SELENOF: variants seen among roughly 807,000 people sequenced by gnomAD.
SELENOF encodes the protein 15 kDa selenoprotein.
Under a neutral mutation model 20.5 loss-of-function variants are expected in SELENOF, and 16 were observed. The ratio of observed to expected loss-of-function variants is 0.78; its 90% CI spans 0.53 to 1.19. The LOEUF is 1.19. SELENOF is among the 50% of genes most tolerant of loss of function. The pLI, the probability that SELENOF is intolerant of heterozygous loss-of-function variation, is 0.00. For missense variants in SELENOF, 215 were observed against 194.2 expected (o/e 1.11, Z -0.64); for synonymous variants, 78 against 74.5 (o/e 1.05, Z -0.24).
At chr1:86,890,369 A>G (rs146370027) in intron 2 of SELENOF, among the ~76,000 whole-genome samples, 4 of 152,340 alleles carry the variant, frequency 2.6e-5, no homozygotes, top group African/African-American at 4.8e-5. Context: ...TTTATAGCAC[A>G]TATCTCATTG....
intron 2 of SELENOF, chr1:86,887,012 T>C: frequency 1.2e-6 from 1 of 844,772 alleles, no homozygotes; most frequent in Non-Finnish European, 1.6e-6. Flanking sequence ...ACACAGAAAC[T>C]ATTTTTAGCA....
At chr1:86,913,940 T>A (rs551827213) in intron 1 of SELENOF, 88 bp downstream of exon 1, 1 of 1,288,756 alleles carries the variant, frequency 7.8e-7, no homozygotes, top group East Asian at 2.3e-5. Context: ...CTCCCCACCC[T>A]TTTCAACCAG....
chr1:86,879,634 T>C (rs1474328528), intron 3 of SELENOF, among the ~76,000 whole-genome samples: 1 of 152,142 alleles, frequency 6.6e-6, no homozygotes, highest in Non-Finnish European at 1.5e-5. Context: ...CGAGGTAGAA[T>C]GAGGTATGTA....
Position 86,880,719 on chromosome 1 carries a change from C to CCAAGATGGCCGA in SELENOF, c.258_259insTCGGCCATCTTG (p.Tyr86_Ala87insSerAlaIleLeu). ...CCACAAACTTCAAGAATAGCTCCTG[C>CCAAGATGGCCGA]ATACAGCTACAAAAGGAAAAACAGG... is the stretch of plus-strand genomic sequence containing the variant. On this transcript the variant is annotated inframe_insertion, in exon 3 of 5. Coordinates refer to ENST00000331835, the MANE Select transcript of SELENOF (RefSeq NM_004261.5). 1 of 1,579,396 alleles carries CCAAGATGGCCGA rather than the reference C, an allele frequency of 6.3e-7. No individual in the cohort carries two copies. The highest frequency in any genetic ancestry group is 8.6e-7 in the Non-Finnish European group (1 of 1,161,916).
At chr1:86,913,159 G>T (rs1241607432) in intron 1 of SELENOF, among the ~76,000 whole-genome samples, 1 of 152,166 alleles carries the variant, frequency 6.6e-6, no homozygotes, top group African/African-American at 2.4e-5. Flanking sequence ...GAGGACTCCG[G>T]TGTAGTCCCT....
In SELENOF at chr1:86,914,022, A is replaced by G. The variant is rs369846172; in HGVS notation, c.84+6T>C. The G allele has an allele frequency of 1.9e-6, 3 of 1,612,218 alleles. No homozygotes were observed. Among genetic ancestry groups the G allele is most frequent in the African/African-American group, 2.7e-5 (2 of 74,802 alleles). On this transcript the variant is annotated splice_donor_region_variant and intron_variant, in intron 1 of 4. Transcript: ENST00000331835. ...TGTGGCAGCTGCGAAGGTGATCTACACTCACCGCTTGAAGCACAGTCGCCA... is the reference window on the plus strand; with the variant it reads ...TGTGGCAGCTGCGAAGGTGATCTACGCTCACCGCTTGAAGCACAGTCGCCA...
chr1:86,911,468 C>A (rs1488196866), intron 1 of SELENOF, among the ~76,000 whole-genome samples: 1 of 152,200 alleles, frequency 6.6e-6, no homozygotes, highest in African/African-American at 2.4e-5. Context: ...CCTGGATAGA[C>A]AAACAAGTGC....
At chr1:86,876,832 C>T (rs185401557) in intron 3 of SELENOF, among the ~76,000 whole-genome samples, 9 of 152,310 alleles carry the variant, frequency 5.9e-5, no homozygotes, top group Non-Finnish European at 1.2e-4. Flanking sequence ...CAAGTGAAGA[C>T]AGTTTCAAAG....
intron 2 of SELENOF, among the ~76,000 whole-genome samples, chr1:86,888,445 T>TAA (rs1406462032): frequency 6.6e-6 from 1 of 152,134 alleles, no homozygotes; most frequent in South Asian, 2.1e-4. Context: ...ATCTTTTTTT[T>TAA]AAAAATTTTT....
At chr1:86,878,087 G>A (rs1658970974) in intron 3 of SELENOF, among the ~76,000 whole-genome samples, 1 of 151,952 alleles carries the variant, frequency 6.6e-6, no homozygotes. Flanking sequence ...ATTATAGACA[G>A]CCTTCTATAT....
At chr1:86,903,127 T>C (rs1659742824) in intron 2 of SELENOF, among the ~76,000 whole-genome samples, 154 bp downstream of exon 2, 1 of 152,204 alleles carries the variant, frequency 6.6e-6, no homozygotes, top group African/African-American at 2.4e-5. Context: ...TTTGCTTTGA[T>C]TGAACTAATA....
chr1:86,870,707 T>C (rs908812109), intron 3 of SELENOF, among the ~76,000 whole-genome samples: 1 of 152,140 alleles, frequency 6.6e-6, no homozygotes, highest in Non-Finnish European at 1.5e-5. Context: ...AAGCTCCGCC[T>C]TCCTGGGTTC....
rs564052799 is a variant in SELENOF at position 86,866,452 on chromosome 1, G to A, written c.366+1601C>T. On this transcript the variant is annotated intron_variant, in intron 4 of 4. Coordinates refer to ENST00000331835, the MANE Select transcript of SELENOF (RefSeq NM_004261.5). ...AGTTGTCACGGGCTGGCAGGAGGGCGGGGGTGGTGGTGGGCACAGAAAGAT... is the reference window on the plus strand; with the variant it reads ...AGTTGTCACGGGCTGGCAGGAGGGCAGGGGTGGTGGTGGGCACAGAAAGAT... Among the ~76,000 whole-genome samples, 11 of 151,964 alleles carry A rather than the reference G, an allele frequency of 7.2e-5. No individual in the cohort carries two copies. The East Asian group carries it at 2.1e-3, about 29-fold the overall frequency.
intron 1 of SELENOF, among the ~76,000 whole-genome samples, chr1:86,904,053 TTTA>T (rs1378007087): frequency 1.3e-5 from 2 of 152,206 alleles, no homozygotes; most frequent in Admixed American, 6.5e-5. Context: ...TTCTTAAAGA[TTTA>T]TTGTTTTAAA....
intron 1 of SELENOF, among the ~76,000 whole-genome samples, chr1:86,911,599 G>A (rs1288370434): frequency 6.6e-6 from 1 of 152,128 alleles, no homozygotes; most frequent in East Asian, 1.9e-4. Context: ...TGTAGAGATT[G>A]GAAATGAAAT....
intron 3 of SELENOF, among the ~76,000 whole-genome samples, chr1:86,870,326 G>C (rs946836104): frequency 2.0e-5 from 3 of 152,022 alleles, no homozygotes; most frequent in Admixed American, 6.5e-5. Flanking sequence ...ATGCTATTCT[G>C]GCTTATTAAA....
rs189351116 is a variant in SELENOF, at chr1:86,903,855, C to T, written c.85-407G>A. 3.5e-4 allele frequency among the ~76,000 whole-genome samples: 54 copies of T among 152,322 alleles called. 1 individual carries two copies. The East Asian group carries it at 8.3e-3, about 23-fold the overall frequency. On this transcript the variant is annotated intron_variant, in intron 1 of 4. Transcript: ENST00000331835. ...TTGGCTTCCCAAAGTGTTGGGATTA[C>T]AGGCATGAGCCACCTCGCCCAGCAA...
chr1:86,868,147 C>A (rs898329347), intron 3 of SELENOF, 45 bp from the exon 4 acceptor site: 3 of 895,470 alleles, frequency 3.4e-6, no homozygotes, highest in African/African-American at 3.4e-5. Context: ...CTTCCAAATC[C>A]AAGCTAGCTA....
intron 4 of SELENOF, among the ~76,000 whole-genome samples, chr1:86,867,819 G>A (rs944846504): frequency 1.3e-5 from 2 of 151,482 alleles, no homozygotes; most frequent in African/African-American, 4.9e-5. Flanking sequence ...GGGCCAGGGA[G>A]TATATGGGAA....
Sources: gnomAD v4.1 joint callset for allele counts (sites outside exome capture counted in the v4.1 genomes callset) on GRCh38, gnomAD v4.1.1 for gene constraint, MANE v1.5 for transcripts, NCBI Gene and HGNC (gene_info 2026-07-23, HGNC 2026-07-21) for gene names.